The following CNGA1 variants were observed in gnomAD, a reference collection of about 807,000 sequenced individuals.
CNGA1 encodes cyclic nucleotide gated channel subunit alpha 1.
In CNGA1, 53 loss-of-function variants were observed where a neutral mutation model predicts 69.7. The observed-to-expected ratio is 0.76, with a 90% CI of 0.61 to 0.96. The LOEUF is 0.96. Ranked by LOEUF, CNGA1 falls within the 40% of genes least tolerant of loss-of-function variation. The pLI is 0.00. For synonymous variants in CNGA1, 249 were observed against 283.5 expected (o/e 0.88, Z 1.22); for missense variants, 739 against 811.2 (o/e 0.91, Z 1.08).
chr4:48,014,031 A>G (rs1413261188), intron 1 of CNGA1, among the ~76,000 whole-genome samples: 2 of 151,948 alleles, frequency 1.3e-5, no homozygotes, highest in African/African-American at 4.8e-5. Context: ...TTTGACCATC[A>G]CCCCTGGGTC....
At position 47,993,375 on chromosome 4, in the gene CNGA1, G is replaced by T. The variant is rs191244570; in HGVS notation, c.-122-11875C>A. Among the ~76,000 whole-genome samples the T allele has an allele frequency of 2.6e-5, 4 of 152,116 alleles. No individual in the cohort carries two copies. In the East Asian group the frequency reaches 7.7e-4, roughly 29 times the overall value. On this transcript the variant is annotated intron_variant, in intron 2 of 10. Transcript: ENST00000514170. ...ATTTCAATCTCACTGCTTGTTATTG[G>T]TCTGTTCAGGTTATCTAATTCTTCC... is the stretch of plus-strand genomic sequence containing the variant.
At chr4:48,003,453 C>T (rs574287763) in intron 2 of CNGA1, among the ~76,000 whole-genome samples, 1 of 152,176 alleles carries the variant, frequency 6.6e-6, no homozygotes, top group African/African-American at 2.4e-5. Flanking sequence ...TTCACATTTT[C>T]CCCCCTTTTC....
At chr4:47,974,116 A>G in intron 3 of CNGA1, among the ~76,000 whole-genome samples, 1 of 149,548 alleles carries the variant, frequency 6.7e-6, no homozygotes, top group East Asian at 1.9e-4. Context: ...AGATAGATAG[A>G]TAGATAGATG....
chr4:47,975,584 C>T (rs10938516), intron 3 of CNGA1, among the ~76,000 whole-genome samples: 15,791 of 152,034 alleles, frequency 0.1, 1,269 homozygotes, highest in East Asian at 0.31. Context: ...GTGTTTTAAA[C>T]ACCAGAGCAT....
At chr4:48,007,929 A>T (rs1262992308) in intron 2 of CNGA1, among the ~76,000 whole-genome samples, 1 of 152,162 alleles carries the variant, frequency 6.6e-6, no homozygotes, top group South Asian at 2.1e-4. Context: ...AACCATTATT[A>T]TTTCACTCCT....
At chr4:47,987,243 T>A (rs1029528994) in intron 2 of CNGA1, among the ~76,000 whole-genome samples, 2 of 152,206 alleles carry the variant, frequency 1.3e-5, no homozygotes, top group Non-Finnish European at 2.9e-5. Context: ...TGCATGACAC[T>A]GATTCTCTGT....
chr4:47,984,160 C>T (rs1379197676), intron 2 of CNGA1, among the ~76,000 whole-genome samples: 2 of 152,100 alleles, frequency 1.3e-5, no homozygotes, highest in African/African-American at 4.8e-5. Flanking sequence ...CAGCAAATTG[C>T]CTCTAACAGT....
intron 3 of CNGA1, among the ~76,000 whole-genome samples, chr4:47,953,995 G>GT (rs1739905648): frequency 6.6e-6 from 1 of 151,982 alleles, no homozygotes; most frequent in Admixed American, 6.6e-5. Flanking sequence ...TAGCTGTCAC[G>GT]TCCCCCCCAT....
chr4:47,955,227 G>A (rs1230196812), intron 3 of CNGA1, among the ~76,000 whole-genome samples: 2 of 134,144 alleles, frequency 1.5e-5, no homozygotes, highest in South Asian at 4.7e-4. Flanking sequence ...CTATCACCTA[G>A]GCTGGAGTGC....
At chr4:47,950,669 A>G (rs1040774193) in intron 5 of CNGA1, among the ~76,000 whole-genome samples, 2 of 152,176 alleles carry the variant, frequency 1.3e-5, no homozygotes, top group African/African-American at 4.8e-5. Flanking sequence ...AAAAAGGAAA[A>G]AAAAGTAAAG....
chr4:47,966,027 AG>A (rs1268056313), intron 3 of CNGA1, among the ~76,000 whole-genome samples: 1 of 152,230 alleles, frequency 6.6e-6, no homozygotes, highest in Non-Finnish European at 1.5e-5. Context: ...TGCTTTGGAA[AG>A]CAAGATTCAG....
intron 1 of CNGA1, among the ~76,000 whole-genome samples, chr4:48,011,430 C>T (rs947744311): frequency 4.0e-5 from 6 of 150,650 alleles, no homozygotes; most frequent in Middle Eastern, 3.5e-3. Context: ...CACACACACA[C>T]ATCTTGGATG....
At position 47,969,563 on chromosome 4, in the gene CNGA1, G is replaced by A. The variant is rs546666800; in HGVS notation, c.-15+11830C>T. Among the ~76,000 whole-genome samples, 11 of 151,896 alleles carry A rather than the reference G, an allele frequency of 7.2e-5. No individual in the cohort carries two copies. The South Asian group carries it at 2.1e-3, about 29-fold the overall frequency. ...CGGCTCACTGCAACCTCCACCTCCC[G>A]GGTTCAAGCAATTCTCCTGCCTCAG... On this transcript the variant is annotated intron_variant, in intron 3 of 10. Coordinates refer to ENST00000514170, the MANE Select transcript of CNGA1 (RefSeq NM_001379270.1).
At chr4:48,001,032 A>C (rs1410810989) in intron 2 of CNGA1, among the ~76,000 whole-genome samples, 1 of 152,224 alleles carries the variant, frequency 6.6e-6, no homozygotes, top group Non-Finnish European at 1.5e-5. Context: ...ACTCAGACTA[A>C]AAGGCTAATT....
intron 2 of CNGA1, among the ~76,000 whole-genome samples, chr4:48,005,942 C>A (rs562086053): frequency 9.8e-5 from 15 of 152,300 alleles, no homozygotes; most frequent in African/African-American, 3.4e-4. Flanking sequence ...AAATCAGGTA[C>A]AGAGAAAGAA....
Position 47,943,425 on chromosome 4 carries a change from AT to A in CNGA1, c.288-14del. On this transcript the variant is annotated splice_polypyrimidine_tract_variant and intron_variant, in intron 6 of 10. Transcript: ENST00000514170. Reference sequence around the variant, plus strand: ...TTCTTCTGGTTCCCTAAAGAAAAAAATAATATATCTGTCACATAATCACAGT... The same window carrying A: ...TTCTTCTGGTTCCCTAAAGAAAAAAAAATATATCTGTCACATAATCACAGT... 7.2e-7 allele frequency: 1 copy of A among 1,391,686 alleles called. No homozygotes were observed. The highest frequency in any genetic ancestry group is 1.5e-5 in the African/African-American group (1 of 68,032). The allele number at this position is 1,391,686 out of a possible 1,614,324, so 86.2% of individuals were successfully genotyped here.
chr4:48,000,974 C>T (rs1714643080), intron 2 of CNGA1, among the ~76,000 whole-genome samples: 2 of 152,040 alleles, frequency 1.3e-5, no homozygotes, highest in African/African-American at 4.8e-5. Context: ...ATCAAAGGTA[C>T]CAATCTTTAG....
At chr4:47,998,214 G>GA (rs1366994061) in intron 2 of CNGA1, among the ~76,000 whole-genome samples, 1 of 152,294 alleles carries the variant, frequency 6.6e-6, no homozygotes, top group East Asian at 1.9e-4. Flanking sequence ...TATGACCTTG[G>GA]AGATTGAAGT....
chr4:47,944,260 C>A (rs1181475542), intron 6 of CNGA1, among the ~76,000 whole-genome samples: 1 of 152,098 alleles, frequency 6.6e-6, no homozygotes, highest in Non-Finnish European at 1.5e-5. Flanking sequence ...GTGCAATGGA[C>A]TCAATCTGGG....
Sources: allele counts gnomAD v4.1 joint callset (sites outside exome capture counted in the v4.1 genomes callset), GRCh38; gene constraint gnomAD v4.1.1; transcripts MANE v1.5; gene names NCBI Gene and HGNC (gene_info 2026-07-23, HGNC 2026-07-21).